The following ZNF385D variants were observed in gnomAD, a reference collection of about 807,000 sequenced individuals.
The protein encoded by ZNF385D is zinc finger protein 659.
Under a neutral mutation model 35.8 loss-of-function variants are expected in ZNF385D, and 15 were observed. The observed-to-expected ratio is 0.42, with a 90% CI of 0.28 to 0.64. The LOEUF is 0.64. Among genes scored for constraint, ZNF385D ranks in the 30% least tolerant of loss-of-function variants. The pLI is 0.23. For missense variants in ZNF385D, 474 were observed against 494.6 expected (o/e 0.96, Z 0.39); for synonymous variants, 212 against 186.8 (o/e 1.13, Z -1.10).
At chr3:21,533,086 A>G (rs1405672257) in intron 3 of ZNF385D, among the ~76,000 whole-genome samples, 2 of 152,202 alleles carry the variant, frequency 1.3e-5, no homozygotes, top group Admixed American at 6.5e-5. Context: ...AGTGACAAAC[A>G]AGGCCACAAG....
chr3:22,132,224 T>C (rs1012014143), intron 3 of ZNF385D, among the ~76,000 whole-genome samples: 4 of 152,054 alleles, frequency 2.6e-5, no homozygotes, highest in South Asian at 2.1e-4. Flanking sequence ...TGAATGGCAA[T>C]AGAGCCCCTA....
chr3:22,065,378 A>G (rs1699888698), intron 3 of ZNF385D, among the ~76,000 whole-genome samples: 1 of 152,180 alleles, frequency 6.6e-6, no homozygotes, highest in Admixed American at 6.5e-5. Flanking sequence ...AGTGCTGGGG[A>G]CTTGACTGCA....
chr3:21,933,505 T>A (rs951660619), intron 3 of ZNF385D, among the ~76,000 whole-genome samples: 1 of 152,236 alleles, frequency 6.6e-6, no homozygotes, highest in Non-Finnish European at 1.5e-5. Context: ...CTTCATAGGC[T>A]ATAATTACCT....
chr3:21,966,316 A>C (rs915062170), intron 3 of ZNF385D, among the ~76,000 whole-genome samples: 4 of 152,192 alleles, frequency 2.6e-5, no homozygotes, highest in Non-Finnish European at 5.9e-5. Context: ...CTGGTAGTAA[A>C]TTTTAAAAAG....
At chr3:21,767,803 G>A (rs17621242) in intron 3 of ZNF385D, among the ~76,000 whole-genome samples, 7 of 151,862 alleles carry the variant, frequency 4.6e-5, no homozygotes, top group African/African-American at 7.3e-5. Context: ...AAATATGACC[G>A]TTCTTTTGGA....
At chr3:21,877,253 C>A (rs3912213) in intron 3 of ZNF385D, among the ~76,000 whole-genome samples, 1 of 152,058 alleles carries the variant, frequency 6.6e-6, no homozygotes, top group African/African-American at 2.4e-5. Context: ...CTGTATGAAA[C>A]TGAGCACCAA....
At chr3:21,712,382 T>C (rs1161016997) in intron 1 of ZNF385D, among the ~76,000 whole-genome samples, 1 of 152,192 alleles carries the variant, frequency 6.6e-6, no homozygotes, top group African/African-American at 2.4e-5. Flanking sequence ...CACCCTAGCA[T>C]AGCCCATTGG....
chr3:21,919,836 C>A (rs960681386), intron 3 of ZNF385D, among the ~76,000 whole-genome samples: 1 of 152,154 alleles, frequency 6.6e-6, no homozygotes, highest in African/African-American at 2.4e-5. Flanking sequence ...AAATGTAGAA[C>A]TGAATAACTT....
chr3:22,084,171 C>A (rs1700908095), intron 3 of ZNF385D, among the ~76,000 whole-genome samples: 1 of 152,142 alleles, frequency 6.6e-6, no homozygotes, highest in Admixed American at 6.5e-5. Flanking sequence ...GAAATTGCAT[C>A]AACTAACGGG....
intron 3 of ZNF385D, among the ~76,000 whole-genome samples, chr3:21,815,213 A>C (rs181638493): frequency 1.3e-4 from 20 of 152,304 alleles, no homozygotes; most frequent in Admixed American, 1.2e-3. Flanking sequence ...TGGCACTAAA[A>C]TGCCCACAAG....
intron 2 of ZNF385D, among the ~76,000 whole-genome samples, chr3:22,327,195 G>A (rs1476013603): frequency 6.6e-6 from 1 of 152,028 alleles, no homozygotes; most frequent in Non-Finnish European, 1.5e-5. Flanking sequence ...AATTGAGGAT[G>A]GGCCATAAAA....
At chr3:21,860,617 C>A (rs1175999576) in intron 3 of ZNF385D, among the ~76,000 whole-genome samples, 8 of 152,178 alleles carry the variant, frequency 5.3e-5, no homozygotes, top group African/African-American at 9.6e-5. Context: ...AGCATCCTGA[C>A]TGCATTAGAC....
intron 1 of ZNF385D, among the ~76,000 whole-genome samples, chr3:21,683,878 G>T (rs887909017): frequency 6.7e-6 from 1 of 150,038 alleles, no homozygotes; most frequent in Non-Finnish European, 1.5e-5. Context: ...TTGAGAAACA[G>T]ATTTTTAACA....
chr3:21,605,113 G>C (rs1353375009), intron 2 of ZNF385D, among the ~76,000 whole-genome samples: 2 of 152,164 alleles, frequency 1.3e-5, no homozygotes, highest in Non-Finnish European at 2.9e-5. Context: ...GGCATGTATG[G>C]AGGATGAGTA....
At chr3:21,964,199 G>A (rs1307531949) in intron 3 of ZNF385D, among the ~76,000 whole-genome samples, 2 of 151,714 alleles carry the variant, frequency 1.3e-5, no homozygotes, top group East Asian at 1.9e-4. Flanking sequence ...ATCAAGGTAA[G>A]TTTAAACTAT....
intron 3 of ZNF385D, among the ~76,000 whole-genome samples, chr3:22,149,896 A>G (rs1263474639): frequency 6.6e-6 from 1 of 152,078 alleles, no homozygotes; most frequent in African/African-American, 2.4e-5. Flanking sequence ...TATTTTTTGT[A>G]TGTAAGAAAC....
intron 3 of ZNF385D, among the ~76,000 whole-genome samples, chr3:22,019,853 C>T (rs1697119042): frequency 6.6e-6 from 1 of 151,736 alleles, no homozygotes; most frequent in Non-Finnish European, 1.5e-5. Flanking sequence ...TTAAACCAAG[C>T]ACAGGGTCCT....
chr3:21,922,635 T>C (rs949482030), intron 3 of ZNF385D, among the ~76,000 whole-genome samples: 3 of 152,100 alleles, frequency 2.0e-5, no homozygotes, highest in Non-Finnish European at 4.4e-5. Context: ...ATGAAAGTTA[T>C]CTCAAGAAGA....
chr3:21,795,979 C>T lies in ZNF385D; in HGVS notation c.326-130951G>A, dbSNP rs78114139. Among the ~76,000 whole-genome samples the T allele has an allele frequency of 8.0e-3, 1,218 of 152,258 alleles. 10 individuals are homozygous for T. The highest frequency in any genetic ancestry group is 0.01 in the Non-Finnish European group (690 of 68,008). On this transcript the variant is annotated intron_variant, in intron 3 of 5. Coordinates refer to the ZNF385D transcript ENST00000494108. ...GCATACATTTGAAAGATCTAATAGT[C>T]TAGGGTAATTTTCTCAAATAGAAAT...
Sources: allele counts gnomAD v4.1 joint callset (sites outside exome capture counted in the v4.1 genomes callset), GRCh38; gene constraint gnomAD v4.1.1; transcripts MANE v1.5; gene names NCBI Gene and HGNC (gene_info 2026-07-23, HGNC 2026-07-21).